The following IQCM variants were observed in gnomAD, a reference collection of about 807,000 sequenced individuals.
The protein encoded by IQCM is IQ motif containing M.
IQCM carries 45 observed loss-of-function variants against 57.6 expected under a neutral mutation model. The ratio of observed to expected loss-of-function variants is 0.78; its 90% CI spans 0.62 to 1.00. The LOEUF is 1.00. Among genes scored for constraint, IQCM ranks in the 50% least tolerant of loss-of-function variants. IQCM has a pLI of 0.00. For missense variants in IQCM, 468 were observed against 511.6 expected (o/e 0.91, Z 0.82); for synonymous variants, 148 against 158.9 (o/e 0.93, Z 0.51).
chr4:149,380,163 C>A (rs2111028219), intron 13 of IQCM, among the ~76,000 whole-genome samples: 1 of 152,070 alleles, frequency 6.6e-6, no homozygotes, highest in South Asian at 2.1e-4. Context: ...TGAAAATGGA[C>A]TAATACAAGG....
At chr4:149,477,483 A>T (rs11736833) in intron 12 of IQCM, among the ~76,000 whole-genome samples, 1 of 152,260 alleles carries the variant, frequency 6.6e-6, no homozygotes, top group South Asian at 2.1e-4. Context: ...TGTATCATGC[A>T]CTGTGCTGGG....
intron 13 of IQCM, among the ~76,000 whole-genome samples, chr4:149,412,194 T>C (rs1733436574): frequency 6.6e-6 from 1 of 152,004 alleles, no homozygotes; most frequent in Non-Finnish European, 1.5e-5. Flanking sequence ...CCACAGTAGA[T>C]ATGCTGGTCT....
At chr4:149,574,025 T>C (rs1170261179) in intron 9 of IQCM, among the ~76,000 whole-genome samples, 5 of 151,866 alleles carry the variant, frequency 3.3e-5, no homozygotes, top group African/African-American at 4.8e-5. Context: ...TTCAGGAGTA[T>C]TGAAAGATAC....
At chr4:149,640,302 A>C (rs1280831881) in intron 7 of IQCM, among the ~76,000 whole-genome samples, 2 of 152,338 alleles carry the variant, frequency 1.3e-5, no homozygotes, top group African/African-American at 2.4e-5. Context: ...CAATCCAGTT[A>C]TACTCTATTA....
chr4:149,377,105 A>G lies in IQCM; in HGVS notation c.1391-25039T>C, dbSNP rs1283060724. On this transcript the variant is annotated intron_variant, in intron 13 of 13. Coordinates refer to ENST00000636793, the MANE Select transcript of IQCM (RefSeq NM_001363507.2). ...CAGAATACAGAAAATTTCTAGTTTT[A>G]AAACAAAAAATAAATAAGTCATTAC... 3.3e-5 allele frequency among the ~76,000 whole-genome samples: 5 copies of G among 152,148 alleles called. No individual in the cohort carries two copies. The East Asian group carries it at 9.6e-4, about 29-fold the overall frequency.
At chr4:149,361,348 T>G (rs1729469844) in intron 13 of IQCM, among the ~76,000 whole-genome samples, 1 of 152,190 alleles carries the variant, frequency 6.6e-6, no homozygotes, top group South Asian at 2.1e-4. Context: ...TGCAGAAATT[T>G]GCATGAGTAG....
At chr4:149,453,216 T>C (rs183941237) in intron 12 of IQCM, among the ~76,000 whole-genome samples, 7 of 151,824 alleles carry the variant, frequency 4.6e-5, no homozygotes, top group Admixed American at 4.6e-4. Context: ...AAATGGATGA[T>C]AGTCCTAAGT....
chr4:149,578,515 AAC>A (rs2149978681), intron 9 of IQCM, among the ~76,000 whole-genome samples: 1 of 151,848 alleles, frequency 6.6e-6, no homozygotes, highest in East Asian at 2.0e-4. Context: ...TCTTCATCCC[AAC>A]ACAGTTATTT....
chr4:149,411,997 A>G (rs932115139), intron 13 of IQCM, among the ~76,000 whole-genome samples: 1 of 152,118 alleles, frequency 6.6e-6, no homozygotes, highest in Non-Finnish European at 1.5e-5. Flanking sequence ...GGATATCATC[A>G]TATATTTTAA....
intron 2 of IQCM, among the ~76,000 whole-genome samples, chr4:149,791,546 T>A (rs1772611888): frequency 6.6e-6 from 1 of 152,202 alleles, no homozygotes; most frequent in South Asian, 2.1e-4. Flanking sequence ...TGTATTTCTG[T>A]TCCCACTAAC....
chr4:149,679,657 T>C (rs1464415914), intron 7 of IQCM, among the ~76,000 whole-genome samples: 1 of 150,872 alleles, frequency 6.6e-6, no homozygotes, highest in Non-Finnish European at 1.5e-5. Flanking sequence ...TATGCATGAA[T>C]TGTAAAAAAA....
chr4:149,544,859 C>T (rs901350378), intron 12 of IQCM, among the ~76,000 whole-genome samples: 6 of 152,046 alleles, frequency 3.9e-5, no homozygotes, highest in African/African-American at 1.4e-4. Flanking sequence ...AGAATAAAAT[C>T]GGACGTTTAT....
At chr4:149,657,658 C>A (rs1368061077) in intron 7 of IQCM, among the ~76,000 whole-genome samples, 1 of 152,046 alleles carries the variant, frequency 6.6e-6, no homozygotes, top group African/African-American at 2.4e-5. Flanking sequence ...TCTATATCTT[C>A]GTTAATACTT....
intron 13 of IQCM, among the ~76,000 whole-genome samples, chr4:149,396,088 T>G (rs1443834983): frequency 6.6e-6 from 1 of 151,894 alleles, no homozygotes; most frequent in African/African-American, 2.4e-5. Context: ...TGTCTAATAT[T>G]TGCATTTTAA....
chr4:149,623,022 T>G (rs2726772), intron 7 of IQCM, among the ~76,000 whole-genome samples: 66,468 of 151,884 alleles, frequency 0.44, 14,916 homozygotes, highest in South Asian at 0.58. Context: ...TAAGAAGGAG[T>G]ATATTGAACA....
chr4:149,417,423 A>G (rs1374416683), intron 13 of IQCM, among the ~76,000 whole-genome samples: 1 of 152,096 alleles, frequency 6.6e-6, no homozygotes, highest in Non-Finnish European at 1.5e-5. Flanking sequence ...CCAGGAGGAC[A>G]TGGTGCTGTG....
At chr4:149,791,668 T>C (rs1225289810) in intron 2 of IQCM, among the ~76,000 whole-genome samples, 1 of 152,156 alleles carries the variant, frequency 6.6e-6, no homozygotes, top group Non-Finnish European at 1.5e-5. Flanking sequence ...ATGTATGCTA[T>C]TGGATGGCTG....
At chr4:149,741,765 A>G (rs1423216887) in intron 3 of IQCM, among the ~76,000 whole-genome samples, 2 of 152,206 alleles carry the variant, frequency 1.3e-5, no homozygotes, top group African/African-American at 4.8e-5. Flanking sequence ...TGTAATTAAT[A>G]ATAATGTATG....
At chr4:149,744,286 T>A (rs1275672136) in intron 2 of IQCM, among the ~76,000 whole-genome samples, 2 of 152,222 alleles carry the variant, frequency 1.3e-5, no homozygotes, top group Non-Finnish European at 2.9e-5. Flanking sequence ...TGAACTGGGA[T>A]AAATTAAAAT....
Sources: allele counts gnomAD v4.1 joint callset (sites outside exome capture counted in the v4.1 genomes callset), GRCh38; gene constraint gnomAD v4.1.1; transcripts MANE v1.5; gene names NCBI Gene and HGNC (gene_info 2026-07-23, HGNC 2026-07-21).